The following KIF6 variants were observed in gnomAD, a reference collection of about 807,000 sequenced individuals.
The protein encoded by KIF6 is kinesin-like protein KIF6.
KIF6 carries 106 observed loss-of-function variants against 112.7 expected under a neutral mutation model. The observed-to-expected ratio is 0.94, with a 90% confidence interval of 0.80 to 1.11. The LOEUF (loss-of-function observed/expected upper bound fraction) is 1.11. KIF6 is among the 50% of genes least tolerant of loss of function. KIF6 has a pLI of 0.00. For missense variants in KIF6, 929 were observed against 964.0 expected (o/e 0.96, Z 0.48); for synonymous variants, 339 against 339.9 (o/e 1.00, Z 0.03).
intron 13 of KIF6, among the ~76,000 whole-genome samples, chr6:39,501,509 A>G (rs1485920074): frequency 6.6e-6 from 1 of 152,236 alleles, no homozygotes; most frequent in African/African-American, 2.4e-5. Flanking sequence ...AGGCTTCAGA[A>G]TGTGGATAAT....
chr6:39,635,915 A>G (rs1784603733), intron 4 of KIF6, among the ~76,000 whole-genome samples: 1 of 152,076 alleles, frequency 6.6e-6, no homozygotes, highest in South Asian at 2.1e-4. Context: ...TCTTGTGGCA[A>G]GCAGGTTGCC....
intron 3 of KIF6, among the ~76,000 whole-genome samples, chr6:39,701,655 C>G (rs557710219): frequency 6.6e-6 from 1 of 152,226 alleles, no homozygotes; most frequent in Non-Finnish European, 1.5e-5. Flanking sequence ...GAGGCCCAGG[C>G]CTAGGAAGCC....
intron 13 of KIF6, among the ~76,000 whole-genome samples, chr6:39,496,140 G>A (rs373714079): frequency 1.3e-5 from 2 of 151,902 alleles, no homozygotes; most frequent in Admixed American, 6.6e-5. Flanking sequence ...CTGCTTCTTC[G>A]AATCCCACAT....
intron 13 of KIF6, among the ~76,000 whole-genome samples, chr6:39,504,345 A>G (rs112254557): frequency 1.8e-3 from 275 of 151,396 alleles, no homozygotes; most frequent in African/African-American, 5.8e-3. Flanking sequence ...TATGTATTGA[A>G]CCTCAAAATA....
chr6:39,418,095 G>A (rs944419318), intron 15 of KIF6, among the ~76,000 whole-genome samples: 4 of 152,188 alleles, frequency 2.6e-5, no homozygotes, highest in African/African-American at 9.7e-5. Flanking sequence ...CCCACCTGAA[G>A]GAGATCAGCC....
rs35366749 is a variant in KIF6 at position 39,546,825 on chromosome 6, CAA to C, written c.1182-1139_1182-1138del. ...TGGGCAAAAGAACAAGACCCTGTCTCAAAAAAAAAAAAAAAAAAAGTCCTAGT... is the reference window on the plus strand; with the variant it reads ...TGGGCAAAAGAACAAGACCCTGTCTCAAAAAAAAAAAAAAAAAGTCCTAGT... On this transcript the variant is annotated intron_variant, in intron 10 of 22. Transcript: ENST00000287152. 3.3e-3 allele frequency among the ~76,000 whole-genome samples: 341 copies of C among 103,992 alleles called. 3 individuals are homozygous for C. Among genetic ancestry groups the C allele is most frequent in the African/African-American group, 6.6e-3 (214 of 32,304 alleles). The allele number at this position is 103,992 out of a possible 152,430, so 68.2% of individuals were successfully genotyped here. A position where few individuals can be genotyped will look rare whatever the true frequency, so the allele number is the denominator to read the frequency against.
intron 13 of KIF6, among the ~76,000 whole-genome samples, chr6:39,493,337 A>G (rs1325474912): frequency 1.3e-5 from 2 of 152,242 alleles, no homozygotes; most frequent in African/African-American, 4.8e-5. Flanking sequence ...TAAAGTGGTT[A>G]AGTGACCTGC....
At chr6:39,345,316 G>A (rs2113905919) in intron 21 of KIF6, among the ~76,000 whole-genome samples, 1 of 152,362 alleles carries the variant, frequency 6.6e-6, no homozygotes, top group South Asian at 2.1e-4. Flanking sequence ...TGCCCATGGT[G>A]CTGATCAACT....
chr6:39,336,468 G>T lies in KIF6; in HGVS notation c.*64C>A. On this transcript the variant is annotated 3_prime_UTR_variant, in exon 23 of 23. Coordinates refer to ENST00000287152, the MANE Select transcript of KIF6 (RefSeq NM_145027.6). ...CTTCTGAAGCCAGAGCAAGTGAGGG[G>T]CGCTGCCTTCATCTGTGCTTCATTC... The T allele has an allele frequency of 6.6e-7, 1 of 1,517,364 alleles. No homozygotes were observed. Among genetic ancestry groups the T allele is most frequent in the Non-Finnish European group, 9.2e-7 (1 of 1,091,872 alleles). 94.0% of individuals were successfully genotyped at this position (1,517,364 alleles called of 1,614,324 possible). A position where few individuals can be genotyped will look rare whatever the true frequency, so the allele number is the denominator to read the frequency against.
chr6:39,685,365 A>G (rs1787796704), intron 3 of KIF6, among the ~76,000 whole-genome samples: 2 of 152,224 alleles, frequency 1.3e-5, no homozygotes, highest in African/African-American at 4.8e-5. Context: ...GCAGGCTGGC[A>G]GATATGACGT....
intron 13 of KIF6, among the ~76,000 whole-genome samples, chr6:39,527,130 T>C (rs1441565838): frequency 1.3e-5 from 2 of 152,092 alleles, no homozygotes; most frequent in East Asian, 3.9e-4. Context: ...TGAGCAAGAG[T>C]AAAACAAACT....
intron 13 of KIF6, among the ~76,000 whole-genome samples, chr6:39,438,121 CG>C (rs1267084422): frequency 1.3e-5 from 2 of 151,986 alleles, no homozygotes; most frequent in African/African-American, 4.8e-5. Flanking sequence ...GGGATTTGTC[CG>C]CCACCACGCT....
At chr6:39,696,409 C>T (rs1243817671) in intron 3 of KIF6, among the ~76,000 whole-genome samples, 2 of 152,082 alleles carry the variant, frequency 1.3e-5, no homozygotes, top group African/African-American at 4.8e-5. Flanking sequence ...TTCAAGCGGC[C>T]ATCCTGTGTC....
chr6:39,468,394 A>G (rs1773922679), intron 13 of KIF6, among the ~76,000 whole-genome samples: 1 of 152,200 alleles, frequency 6.6e-6, no homozygotes. Context: ...TCTAAGTAGG[A>G]TCAATACAAA....
chr6:39,478,911 T>G (rs969455771), intron 13 of KIF6, among the ~76,000 whole-genome samples: 2 of 152,080 alleles, frequency 1.3e-5, no homozygotes, highest in Admixed American at 1.3e-4. Flanking sequence ...CTTTCAAGAA[T>G]TGTCTATTCA....
intron 13 of KIF6, among the ~76,000 whole-genome samples, chr6:39,485,885 CACA>C (rs1202171511): frequency 3.3e-5 from 5 of 152,174 alleles, no homozygotes; most frequent in African/African-American, 9.6e-5. Context: ...ATTGAATCCT[CACA>C]ACATTTCTAT....
intron 15 of KIF6, among the ~76,000 whole-genome samples, chr6:39,407,512 T>C (rs772099795): frequency 6.6e-6 from 1 of 152,214 alleles, no homozygotes. Flanking sequence ...TACATTCCAG[T>C]TATTTATTAG....
chr6:39,353,275 T>G (rs1471497759), intron 19 of KIF6, among the ~76,000 whole-genome samples: 2 of 152,234 alleles, frequency 1.3e-5, no homozygotes, highest in East Asian at 3.8e-4. Context: ...CTAATATGTA[T>G]GTAGTGGTAT....
intron 13 of KIF6, among the ~76,000 whole-genome samples, chr6:39,499,725 G>A (rs1461139437): frequency 1.3e-5 from 2 of 152,140 alleles, no homozygotes; most frequent in Admixed American, 1.3e-4. Context: ...GAAAGTCACA[G>A]GTCACCAGTA....
Sources: allele counts gnomAD v4.1 joint callset (sites outside exome capture counted in the v4.1 genomes callset), GRCh38; gene constraint gnomAD v4.1.1; transcripts MANE v1.5; gene names NCBI Gene and HGNC (gene_info 2026-07-23, HGNC 2026-07-21).